Variants in PCDH11X observed in about 807,000 individuals in gnomAD.
PCDH11X encodes protocadherin-11 X-linked.
PCDH11X carries 18 observed loss-of-function variants against 53.3 expected under a neutral mutation model. The observed-to-expected ratio is 0.34, with a 90% CI of 0.23 to 0.50. The LOEUF (loss-of-function observed/expected upper bound fraction) is 0.50. Among genes scored for constraint, PCDH11X ranks in the 20% least tolerant of loss-of-function variants. The probability of loss-of-function intolerance (pLI) is 0.98; values close to 1 mark genes in which losing one functional copy is unlikely to be tolerated. For synonymous variants in PCDH11X, 279 were observed against 393.3 expected, an observed-to-expected ratio of 0.71 and a Z score of 3.44; for missense variants, 570 against 1,032.4, an observed-to-expected ratio of 0.55 and a Z score of 6.14.
chrX:92,314,381 G>A (rs972660728), intron 8 of PCDH11X, among the ~76,000 whole-genome samples: 35 of 111,121 alleles, frequency 3.1e-4, no homozygotes, highest in Non-Finnish European at 5.8e-4. Context: ...TGATAACAAT[G>A]CCGTCTTCTG....
At chrX:92,210,143 T>G (rs1364869048) in intron 7 of PCDH11X, among the ~76,000 whole-genome samples, 1 of 110,619 alleles carries the variant, frequency 9.0e-6, no homozygotes, top group Non-Finnish European at 1.9e-5. Context: ...CGAGGCATTT[T>G]CTCCTTTATA....
intron 6 of PCDH11X, among the ~76,000 whole-genome samples, chrX:92,073,365 G>C (rs1250950497): frequency 4.4e-5 from 5 of 112,373 alleles, no homozygotes; most frequent in Non-Finnish European, 9.4e-5. Context: ...CCATCATCTT[G>C]CTCTGCCTTC....
At chrX:91,855,101 A>G (rs913826331) in intron 5 of PCDH11X, among the ~76,000 whole-genome samples, 3 of 111,889 alleles carry the variant, frequency 2.7e-5, no homozygotes, top group African/African-American at 3.3e-5. Flanking sequence ...ATTGTTTCCA[A>G]TGTTTTCTTG....
chrX:92,488,509 T>C (rs2073691462), intron 10 of PCDH11X, among the ~76,000 whole-genome samples: 1 of 111,492 alleles, frequency 9.0e-6, no homozygotes, highest in Non-Finnish European at 1.9e-5. Context: ...GACCTGGACA[T>C]AATAACTAAG....
chrX:92,109,895 AT>A (rs1213732985), intron 6 of PCDH11X, among the ~76,000 whole-genome samples: 2 of 112,457 alleles, frequency 1.8e-5, no homozygotes, highest in African/African-American at 3.2e-5. Context: ...CTCTTTCACT[AT>A]CATAATATCC....
At chrX:92,042,862 A>G (rs1298277316) in intron 6 of PCDH11X, among the ~76,000 whole-genome samples, 1 of 107,777 alleles carries the variant, frequency 9.3e-6, no homozygotes, top group African/African-American at 3.4e-5. Flanking sequence ...GCTGGTCTTG[A>G]ACTCCTGACC....
intron 6 of PCDH11X, among the ~76,000 whole-genome samples, chrX:92,144,385 CA>C (rs1376835291): frequency 2.7e-5 from 3 of 110,341 alleles, no homozygotes; most frequent in Non-Finnish European, 5.7e-5. Context: ...GCGAAGGACC[CA>C]GGGGGAGATC....
chrX:92,260,014 G>A (rs1472475743), intron 7 of PCDH11X, among the ~76,000 whole-genome samples: 3 of 110,773 alleles, frequency 2.7e-5, no homozygotes, highest in African/African-American at 9.9e-5. Flanking sequence ...CTCCTCAAGT[G>A]GAAGTGATCT....
At chrX:92,507,009 A>C (rs1199091983) in intron 10 of PCDH11X, among the ~76,000 whole-genome samples, 21 of 110,693 alleles carry the variant, frequency 1.9e-4, no homozygotes, top group Non-Finnish European at 3.8e-4. Flanking sequence ...TCAGGTGTTC[A>C]TAATAGTCTC....
intron 8 of PCDH11X, among the ~76,000 whole-genome samples, chrX:92,351,083 A>T (rs1248481650): frequency 8.9e-6 from 1 of 112,246 alleles, no homozygotes; most frequent in African/African-American, 3.2e-5. Flanking sequence ...ACTTCTGTTC[A>T]GTATGATGTT....
At chrX:91,916,572 G>T (rs914676850) in intron 6 of PCDH11X, among the ~76,000 whole-genome samples, 5 of 110,773 alleles carry the variant, frequency 4.5e-5, no homozygotes, top group African/African-American at 1.6e-4. Flanking sequence ...GAAATCTAGA[G>T]GAGATGGATA....
chrX:91,824,962 G>T (rs1056914162), intron 4 of PCDH11X, among the ~76,000 whole-genome samples: 53 of 109,276 alleles, frequency 4.9e-4, no homozygotes, highest in Non-Finnish European at 8.5e-4. Flanking sequence ...CCCCTGCTGG[G>T]GGGTGCCTCC....
chrX:92,304,733 C>T (rs2068790983), intron 8 of PCDH11X, among the ~76,000 whole-genome samples: 1 of 111,906 alleles, frequency 8.9e-6, no homozygotes, highest in South Asian at 3.7e-4. Context: ...TCCTTATGTT[C>T]TAAACTCTTT....
intron 6 of PCDH11X, among the ~76,000 whole-genome samples, chrX:91,997,123 G>C (rs774837426): frequency 9.0e-6 from 1 of 110,870 alleles, no homozygotes; most frequent in Non-Finnish European, 1.9e-5. Flanking sequence ...AACAGGTTTT[G>C]GTGGATCGTT....
At chrX:92,243,689 G>A (rs2067301853) in intron 7 of PCDH11X, among the ~76,000 whole-genome samples, 1 of 111,402 alleles carries the variant, frequency 9.0e-6, no homozygotes, top group Non-Finnish European at 1.9e-5. Flanking sequence ...CCAACAGTAA[G>A]TTTGACCTTC....
chrX:92,265,366 G>A (rs886870841), intron 8 of PCDH11X, among the ~76,000 whole-genome samples: 6 of 111,100 alleles, frequency 5.4e-5, no homozygotes. Context: ...GCTCAGGTTT[G>A]ATGTCAAGCC....
At chrX:91,892,011 G>GT (rs1940503908) in intron 6 of PCDH11X, among the ~76,000 whole-genome samples, 1 of 68,762 alleles carries the variant, frequency 1.5e-5, no homozygotes, top group Admixed American at 2.1e-4. Context: ...ATAATTAGAG[G>GT]GGTGTGTGTG....
chrX:91,813,541 GAA>G (rs1389588257), intron 4 of PCDH11X, among the ~76,000 whole-genome samples: 1 of 105,221 alleles, frequency 9.5e-6, no homozygotes, highest in Non-Finnish European at 1.9e-5. Context: ...AAATTAAAGA[GAA>G]AGATATTTCT....
chrX:92,169,657 A>G (rs759569711), intron 6 of PCDH11X, among the ~76,000 whole-genome samples: 1 of 105,218 alleles, frequency 9.5e-6, no homozygotes, highest in Non-Finnish European at 2.0e-5. Flanking sequence ...ATTTTGTCTT[A>G]TTGAGGCAGT....
Sources: gnomAD v4.1 joint callset for allele counts (sites outside exome capture counted in the v4.1 genomes callset) on GRCh38, gnomAD v4.1.1 for gene constraint, MANE v1.5 for transcripts, NCBI Gene and HGNC (gene_info 2026-07-23, HGNC 2026-07-21) for gene names.